BMPER: variants seen among roughly 807,000 people sequenced by gnomAD.
BMPER encodes the protein BMP binding endothelial regulator.
BMPER carries 45 observed loss-of-function variants against 87.3 expected under a neutral mutation model. The observed-to-expected ratio is 0.52, with a 90% CI of 0.41 to 0.66. BMPER has a LOEUF of 0.66. BMPER is among the 30% of genes least tolerant of loss of function. The pLI is 0.00. For synonymous variants in BMPER, 326 were observed against 316.2 expected, an observed-to-expected ratio of 1.03 and a Z score of -0.33; for missense variants, 784 against 867.5, an observed-to-expected ratio of 0.90 and a Z score of 1.21.
chr7:33,937,168 C>A, intron 2 of BMPER, 121 bp from the exon 3 acceptor site: 1 of 981,518 alleles, frequency 1.0e-6, no homozygotes, highest in Non-Finnish European at 1.6e-6. Context: ...GCTCTCACAG[C>A]GTCTTCTTGC....
chr7:34,000,161 T>C (rs924734366), intron 6 of BMPER, among the ~76,000 whole-genome samples: 1 of 152,200 alleles, frequency 6.6e-6, no homozygotes, highest in Non-Finnish European at 1.5e-5. Context: ...TTAGGAACAG[T>C]GTGACCAAAT....
At chr7:34,061,815 A>G (rs1272203064) in intron 10 of BMPER, among the ~76,000 whole-genome samples, 187 bp from the exon 11 acceptor site, 2 of 152,248 alleles carry the variant, frequency 1.3e-5, no homozygotes, top group East Asian at 1.9e-4. Flanking sequence ...GCCTGGCCTT[A>G]GAACCTGATA....
At chr7:34,088,951 C>A (rs554127569) in intron 13 of BMPER, among the ~76,000 whole-genome samples, 2 of 152,110 alleles carry the variant, frequency 1.3e-5, no homozygotes, top group South Asian at 2.1e-4. Flanking sequence ...GCATTGCAAT[C>A]GTTTAAAAAA....
At chr7:33,989,569 T>C (rs1786137167) in intron 6 of BMPER, among the ~76,000 whole-genome samples, 1 of 152,240 alleles carries the variant, frequency 6.6e-6, no homozygotes, top group Non-Finnish European at 1.5e-5. Context: ...GTAGGTTGCC[T>C]GTTCACTCTG....
intron 13 of BMPER, among the ~76,000 whole-genome samples, chr7:34,122,956 A>G (rs1790300654): frequency 6.6e-6 from 1 of 152,238 alleles, no homozygotes; most frequent in South Asian, 2.1e-4. Flanking sequence ...ATTCATTAAT[A>G]TAATATTTCT....
rs949921146 is a variant in BMPER at position 34,155,495 on chromosome 7, G to C, written c.*2222G>C. On this transcript the variant is annotated 3_prime_UTR_variant, in exon 15 of 15. Transcript: ENST00000649409. Reference sequence around the variant, plus strand: ...TGCATGAGCCGGTTTCATCATCTTGGGTGGGTTGATTACAAGTTTGTGTGG... The same window carrying C: ...TGCATGAGCCGGTTTCATCATCTTGCGTGGGTTGATTACAAGTTTGTGTGG... 2 of 152,178 alleles carry C rather than the reference G, an allele frequency of 1.3e-5. No individual in the cohort carries two copies. Among genetic ancestry groups the C allele is most frequent in the Non-Finnish European group, 2.9e-5 (2 of 68,036 alleles). 9.4% of individuals were successfully genotyped at this position (152,178 alleles called of 1,614,324 possible).
chr7:33,969,422 T>C (rs1419854797), intron 4 of BMPER, among the ~76,000 whole-genome samples: 5 of 152,206 alleles, frequency 3.3e-5, no homozygotes, highest in South Asian at 2.1e-4. Context: ...TTTTTTGAGA[T>C]GGAGTCTCGC....
intron 6 of BMPER, among the ~76,000 whole-genome samples, chr7:34,021,468 G>A (rs149319515): frequency 6.8e-4 from 103 of 152,134 alleles, no homozygotes; most frequent in Non-Finnish European, 1.2e-3. Flanking sequence ...AAGGTTTAAA[G>A]CGAGATACTT....
intron 13 of BMPER, among the ~76,000 whole-genome samples, chr7:34,092,932 CAGAT>C (rs748331861): frequency 6.6e-6 from 1 of 152,142 alleles, no homozygotes; most frequent in South Asian, 2.1e-4. Flanking sequence ...CATATCTTAA[CAGAT>C]AGATTAATCT....
chr7:33,905,759 GCGGGA>G lies in BMPER; in HGVS notation c.133+14_133+18del. The stretch of plus-strand genomic sequence containing the variant: ...TCCTTCTTGACAGGTAGGGGAGGGG[GCGGGA>G]GGGACCGGCCCTCCGGGACGCCGGT... On this transcript the variant is annotated intron_variant, in intron 1 of 14. Coordinates refer to ENST00000649409, the MANE Select transcript of BMPER (RefSeq NM_001365308.1). The G allele has an allele frequency of 6.2e-7, 1 of 1,605,358 alleles. No individual in the cohort carries two copies. The highest frequency in any genetic ancestry group is 8.5e-7 in the Non-Finnish European group (1 of 1,174,756).
rs1791274494 is a variant in BMPER at position 34,154,995 on chromosome 7, A to G, written c.*1722A>G. On this transcript the variant is annotated 3_prime_UTR_variant, in exon 15 of 15. Coordinates refer to ENST00000649409, the MANE Select transcript of BMPER (RefSeq NM_001365308.1). ...TTGTGACTATCCCCATTATTTAAGCATTTGGGGGTCTCACTTTTGCTTATC... is the reference window on the plus strand; with the variant it reads ...TTGTGACTATCCCCATTATTTAAGCGTTTGGGGGTCTCACTTTTGCTTATC... 1 of 151,998 alleles carries G rather than the reference A, an allele frequency of 6.6e-6. No homozygotes were observed. The highest frequency in any genetic ancestry group is 2.4e-5 in the African/African-American group (1 of 41,370). 9.4% of individuals were successfully genotyped at this position (151,998 alleles called of 1,614,324 possible). A position where few individuals can be genotyped will look rare whatever the true frequency, so the allele number is the denominator to read the frequency against.
chr7:34,069,499 T>C (rs1788683384), intron 11 of BMPER, among the ~76,000 whole-genome samples: 1 of 152,206 alleles, frequency 6.6e-6, no homozygotes, highest in Non-Finnish European at 1.5e-5. Context: ...ATCCTTACCA[T>C]GTTCCTATGA....
chr7:33,973,169 T>C (rs111890882), intron 5 of BMPER, among the ~76,000 whole-genome samples: 5 of 152,348 alleles, frequency 3.3e-5, no homozygotes, highest in African/African-American at 9.6e-5. Flanking sequence ...TTAAAATTCA[T>C]TTAAGTGGTC....
At chr7:34,056,766 T>A (rs897376526) in intron 9 of BMPER, among the ~76,000 whole-genome samples, 2 of 152,044 alleles carry the variant, frequency 1.3e-5, no homozygotes, top group African/African-American at 4.8e-5. Context: ...TACAGGTGCA[T>A]GCCACCATGC....
chr7:34,057,995 A>C (rs377240830), intron 9 of BMPER, 64 bp from the exon 10 acceptor site: 1 of 1,430,048 alleles, frequency 7.0e-7, no homozygotes, highest in African/African-American at 1.4e-5. Context: ...GAGAGGTTAC[A>C]GTCTGTTGCC....
chr7:34,004,268 A>G (rs1484356630), intron 6 of BMPER, among the ~76,000 whole-genome samples: 2 of 151,890 alleles, frequency 1.3e-5, no homozygotes, highest in African/African-American at 4.8e-5. Context: ...TTTTATTGGT[A>G]TTCTTTAATT....
intron 6 of BMPER, among the ~76,000 whole-genome samples, chr7:33,989,137 G>T (rs1786113419): frequency 7.5e-6 from 1 of 134,206 alleles, no homozygotes. Context: ...ACCCAGTAAT[G>T]GGATGGCTGG....
At chr7:33,991,940 T>A (rs1211496718) in intron 6 of BMPER, among the ~76,000 whole-genome samples, 1 of 142,016 alleles carries the variant, frequency 7.0e-6, no homozygotes, top group Admixed American at 7.2e-5. Flanking sequence ...AGTGAGATTC[T>A]TAATCCTGAG....
intron 13 of BMPER, among the ~76,000 whole-genome samples, chr7:34,124,322 T>C (rs948780821): frequency 2.6e-5 from 4 of 152,188 alleles, no homozygotes; most frequent in African/African-American, 4.8e-5. Context: ...TTTTATTATA[T>C]TATTAATACA....
Sources: allele counts gnomAD v4.1 joint callset (sites outside exome capture counted in the v4.1 genomes callset), GRCh38; gene constraint gnomAD v4.1.1; transcripts MANE v1.5; gene names NCBI Gene and HGNC (gene_info 2026-07-23, HGNC 2026-07-21).